SESN1: variants seen among roughly 807,000 people sequenced by gnomAD.
SESN1 encodes the protein sestrin 1.
SESN1 carries 30 observed loss-of-function variants against 59.3 expected under a neutral mutation model. The observed-to-expected ratio is 0.51, with a 90% CI of 0.38 to 0.69. SESN1 has a LOEUF of 0.69. SESN1 is among the 30% of genes least tolerant of loss of function. The pLI is 0.00. For synonymous variants in SESN1, 197 were observed against 219.9 expected (o/e 0.90, Z 0.92); for missense variants, 566 against 673.0 (o/e 0.84, Z 1.76).
intron 1 of SESN1, among the ~76,000 whole-genome samples, chr6:109,015,900 C>T (rs1012962992): frequency 2.0e-5 from 3 of 152,202 alleles, no homozygotes; most frequent in Admixed American, 1.3e-4. Flanking sequence ...AATGTGAACA[C>T]ATGAAATTCT....
At chr6:109,009,202 G>C (rs1156425442) in intron 1 of SESN1, among the ~76,000 whole-genome samples, 1 of 152,162 alleles carries the variant, frequency 6.6e-6, no homozygotes, top group Non-Finnish European at 1.5e-5. Context: ...CCGGGACGCT[G>C]CTCCCCGGGA....
intron 1 of SESN1, among the ~76,000 whole-genome samples, chr6:109,024,862 A>G (rs1024062958): frequency 5.0e-4 from 76 of 152,356 alleles, no homozygotes; most frequent in African/African-American, 1.7e-3. Context: ...CACCTTAGTA[A>G]AGTCAAACAA....
intron 5 of SESN1, among the ~76,000 whole-genome samples, chr6:108,997,577 C>A (rs547447513): frequency 1.4e-4 from 22 of 152,304 alleles, no homozygotes; most frequent in African/African-American, 5.3e-4. Flanking sequence ...TGGCATTTTA[C>A]TTCTTTAGAG....
chr6:109,034,450 C>A (rs550921160), intron 1 of SESN1, among the ~76,000 whole-genome samples: 14 of 152,102 alleles, frequency 9.2e-5, no homozygotes, highest in South Asian at 8.3e-4. Context: ...TTTATCAATT[C>A]TTTGAGTATC....
intron 1 of SESN1, among the ~76,000 whole-genome samples, chr6:109,040,653 T>A (rs1255864847): frequency 6.7e-6 from 1 of 149,834 alleles, no homozygotes; most frequent in African/African-American, 2.4e-5. Context: ...CAAACTAGCA[T>A]AATCTTTTTT....
At position 108,990,712 on chromosome 6, in the gene SESN1, T is replaced by C. The variant is rs777807556; in HGVS notation, c.1357A>G (p.Lys453Glu). The C allele has an allele frequency of 4.3e-6, 7 of 1,614,174 alleles. No homozygotes were observed. In the South Asian group the frequency reaches 7.7e-5, roughly 18 times the overall value. Reference protein sequence around the residue: ...NLTYNTMAMHKDVDTSMLRRA... With the variant: ...NLTYNTMAMHEDVDTSMLRRA... ...CTAAGCATTGAGGTATCAACATCTT[T>C]GTGCATTGCCATTGTATTATAAGTA... Residue 453 changes from lysine to glutamate, a missense_variant, in exon 8 of 10, where the codon AAA becomes GAA. Physicochemically the swap from Lys to Glu is moderately conservative, Grantham distance 56. Coordinates refer to ENST00000436639, the MANE Select transcript of SESN1 (RefSeq NM_014454.3).
At chr6:109,053,768 C>G (rs1039191813) in intron 1 of SESN1, among the ~76,000 whole-genome samples, 10 of 152,168 alleles carry the variant, frequency 6.6e-5, no homozygotes, top group Admixed American at 2.6e-4. Context: ...GAAACAAGAA[C>G]TAGAAGGACG....
intron 1 of SESN1, chr6:109,009,420 G>A: frequency 2.1e-6 from 3 of 1,453,684 alleles, no homozygotes; most frequent in Non-Finnish European, 1.8e-6. Context: ...GACCGCCAAA[G>A]GGGCCGTGTA....
chr6:109,089,829 T>C (rs1451621467), intron 1 of SESN1, among the ~76,000 whole-genome samples: 1 of 152,202 alleles, frequency 6.6e-6, no homozygotes, highest in Non-Finnish European at 1.5e-5. Flanking sequence ...CCTCCTGCCC[T>C]ACCTCACATC....
chr6:109,068,751 A>G (rs1407879520), intron 1 of SESN1, among the ~76,000 whole-genome samples: 1 of 142,232 alleles, frequency 7.0e-6, no homozygotes, highest in Non-Finnish European at 1.5e-5. Flanking sequence ...GCAGAGCTTC[A>G]CTCTTATTGC....
intron 1 of SESN1, among the ~76,000 whole-genome samples, chr6:109,068,842 T>A (rs1208200363): frequency 6.6e-6 from 1 of 151,692 alleles, no homozygotes; most frequent in Non-Finnish European, 1.5e-5. Context: ...TGCCTCTGCC[T>A]CCCAAGTAGC....
chr6:109,064,977 A>G (rs1455869876), intron 1 of SESN1, among the ~76,000 whole-genome samples: 1 of 152,170 alleles, frequency 6.6e-6, no homozygotes, highest in Non-Finnish European at 1.5e-5. Context: ...AAAGTTATCA[A>G]GAATAGTACT....
At chr6:109,037,784 A>G (rs1261943570) in intron 1 of SESN1, among the ~76,000 whole-genome samples, 2 of 151,976 alleles carry the variant, frequency 1.3e-5, no homozygotes, top group African/African-American at 2.4e-5. Context: ...CAGAAGCGCT[A>G]TTATAAAAAA....
At chr6:109,086,943 C>A (rs1451931298) in intron 1 of SESN1, among the ~76,000 whole-genome samples, 2 of 152,010 alleles carry the variant, frequency 1.3e-5, no homozygotes, top group Non-Finnish European at 2.9e-5. Flanking sequence ...ACCAGCCTGG[C>A]CAACATGGTG....
rs57225616 is a variant in SESN1 at position 109,027,476 on chromosome 6, C to CAA, written c.280-25135_280-25134dup. 3.5e-3 allele frequency among the ~76,000 whole-genome samples: 95 copies of CAA among 27,270 alleles called. 8 individuals are homozygous for CAA. The highest frequency in any genetic ancestry group is 3.9e-3 in the Non-Finnish European group (50 of 12,968). The allele number at this position is 27,270 out of a possible 152,430, so 17.9% of individuals were successfully genotyped here. On this transcript the variant is annotated intron_variant, in intron 1 of 9. Coordinates refer to ENST00000436639, the MANE Select transcript of SESN1 (RefSeq NM_014454.3). ...TGGGCGACAGAGGGAGACTCTGTCT[C>CAA]AAAAAAAAAAAAAAAAAAAAAAAAA... is the stretch of plus-strand genomic sequence containing the variant.
intron 1 of SESN1, among the ~76,000 whole-genome samples, chr6:109,012,608 C>A (rs2114351197): frequency 6.6e-6 from 1 of 152,246 alleles, no homozygotes; most frequent in East Asian, 1.9e-4. Flanking sequence ...GAAAAAGACA[C>A]CTGAGCTACA....
intron 1 of SESN1, among the ~76,000 whole-genome samples, chr6:109,067,918 TA>T (rs1780862672): frequency 6.6e-6 from 1 of 152,244 alleles, no homozygotes; most frequent in Non-Finnish European, 1.5e-5. Context: ...CTGTTTGGTT[TA>T]TGATAGAGAG....
intron 1 of SESN1, among the ~76,000 whole-genome samples, chr6:109,066,882 C>CATAA (rs1780837188): frequency 3.2e-5 from 4 of 125,890 alleles, no homozygotes; most frequent in African/African-American, 1.4e-4. Context: ...GTACAGCAAA[C>CATAA]GTTGAAGTAA....
At chr6:109,048,719 C>T (rs868240134) in intron 1 of SESN1, among the ~76,000 whole-genome samples, 2 of 152,156 alleles carry the variant, frequency 1.3e-5, no homozygotes, top group Non-Finnish European at 2.9e-5. Context: ...TAAAATAATG[C>T]TGTTCATTAC....
Sources: allele counts gnomAD v4.1 joint callset (sites outside exome capture counted in the v4.1 genomes callset), GRCh38; gene constraint gnomAD v4.1.1; transcripts MANE v1.5; gene names NCBI Gene and HGNC (gene_info 2026-07-23, HGNC 2026-07-21).